The following CLTCL1 variants were observed in gnomAD, a reference collection of about 807,000 sequenced individuals.
CLTCL1 encodes the protein clathrin heavy chain like 1.
A neutral mutation model predicts 190.0 loss-of-function variants in CLTCL1; 159 were observed. The ratio of observed to expected loss-of-function variants is 0.84; its 90% CI spans 0.74 to 0.95. CLTCL1 has a LOEUF of 0.95. CLTCL1 is among the 40% of genes least tolerant of loss of function. CLTCL1 has a pLI of 0.00. For synonymous variants in CLTCL1, 752 were observed against 769.6 expected, an observed-to-expected ratio of 0.98 and a Z score of 0.38; for missense variants, 1,878 against 2,033.4, an observed-to-expected ratio of 0.92 and a Z score of 1.47.
intron 4 of CLTCL1, among the ~76,000 whole-genome samples, chr22:19,239,726 G>A (rs1056327829): frequency 6.6e-6 from 1 of 152,146 alleles, no homozygotes; most frequent in Non-Finnish European, 1.5e-5. Flanking sequence ...TCTGCTCTCT[G>A]CCTTTCTGGG....
chr22:19,276,701 G>A (rs746611745), intron 1 of CLTCL1, among the ~76,000 whole-genome samples: 3 of 152,018 alleles, frequency 2.0e-5, no homozygotes, highest in Non-Finnish European at 2.9e-5. Flanking sequence ...CCGGAGTCTC[G>A]CTCTGTTGCC....
Position 19,208,008 on chromosome 22 carries a change from CA to C in CLTCL1, c.3600+145del, listed in dbSNP as rs782577736. 38 of 899,484 alleles carry C rather than the reference CA, an allele frequency of 4.2e-5. No individual in the cohort carries two copies. In the African/African-American group the frequency reaches 4.3e-4, roughly 10 times the overall value. The allele number at this position is 899,484 out of a possible 1,614,324, so 55.7% of individuals were successfully genotyped here. On this transcript the variant is annotated intron_variant, in intron 22 of 32. Coordinates refer to ENST00000427926, the MANE Select transcript of CLTCL1 (RefSeq NM_007098.4). ...AAATGTAATGCACTTGAATCATCCC[CA>C]AACCACCCCCGACCTGTCTGTGGAA...
intron 6 of CLTCL1, among the ~76,000 whole-genome samples, chr22:19,234,997 TA>T (rs1187625993): frequency 6.6e-6 from 1 of 152,210 alleles, no homozygotes; most frequent in Non-Finnish European, 1.5e-5. Flanking sequence ...TTTTTCTTCT[TA>T]AACTTTTTAT....
At chr22:19,251,033 A>G (rs1407383649) in intron 3 of CLTCL1, among the ~76,000 whole-genome samples, 1 of 152,126 alleles carries the variant, frequency 6.6e-6, no homozygotes, top group Non-Finnish European at 1.5e-5. Flanking sequence ...ATTCCAATAG[A>G]GATTATGTTG....
At chr22:19,268,148 G>A (rs2087182747) in intron 2 of CLTCL1, among the ~76,000 whole-genome samples, 1 of 152,188 alleles carries the variant, frequency 6.6e-6, no homozygotes, top group Non-Finnish European at 1.5e-5. Flanking sequence ...TCACAAAAGA[G>A]CTTGATGGAG....
At position 19,279,122 on chromosome 22, in the gene CLTCL1, G is replaced by C. The variant is rs533226296; in HGVS notation, c.43-3292C>G. On this transcript the variant is annotated intron_variant, in intron 1 of 32. Coordinates refer to ENST00000427926, the MANE Select transcript of CLTCL1 (RefSeq NM_007098.4). ...TAATATAAATGCCCTAGAAGTTACA[G>C]TATTTATGTATTTATGTATTTATTT... 9.3e-5 allele frequency among the ~76,000 whole-genome samples: 14 copies of C among 150,674 alleles called. No homozygotes were observed. In the South Asian group the frequency reaches 2.7e-3, roughly 29 times the overall value.
chr22:19,190,596 C>CAAAAGAAAAAAAA (rs2084460677), intron 27 of CLTCL1, among the ~76,000 whole-genome samples: 1 of 72,816 alleles, frequency 1.4e-5, no homozygotes, highest in Non-Finnish European at 2.5e-5. Flanking sequence ...AAGACTGTCT[C>CAAAAGAAAAAAAA]AAAAAAAAAA....
intron 2 of CLTCL1, among the ~76,000 whole-genome samples, chr22:19,271,643 A>C (rs1307402811): frequency 6.6e-6 from 1 of 152,160 alleles, no homozygotes; most frequent in Non-Finnish European, 1.5e-5. Context: ...ATCCTGTCTC[A>C]GGTAGTTCTT....
chr22:19,185,795 A>G (rs2084297835), intron 29 of CLTCL1, among the ~76,000 whole-genome samples: 1 of 152,214 alleles, frequency 6.6e-6, no homozygotes, highest in South Asian at 2.1e-4. Context: ...AGCCCCTGAC[A>G]GGGACCACAT....
intron 3 of CLTCL1, among the ~76,000 whole-genome samples, chr22:19,253,708 T>C (rs2086665877): frequency 6.6e-6 from 1 of 151,658 alleles, no homozygotes; most frequent in Admixed American, 6.6e-5. Flanking sequence ...TAACCAACTT[T>C]TTTTTTTTTT....
chr22:19,201,448 G>T lies in CLTCL1; in HGVS notation c.3646C>A (p.Leu1216Met). 1.2e-6 allele frequency: 2 copies of T among 1,613,882 alleles called. No homozygotes were observed. The highest frequency in any genetic ancestry group is 1.7e-6 in the Non-Finnish European group (2 of 1,179,794). Residue 1216 changes from leucine (L) to methionine (M), a missense_variant, in exon 23 of 33, where the codon CTG becomes ATG. Physicochemically the swap from Leu to Met is conservative, Grantham distance 15 (BLOSUM62 2). Transcript: ENST00000427926. ...YEEGMYEAAK[L>M]LYSNVSNFAR... ...AAGTTAGAAACATTGCTATAGAGCA[G>T]CTTGGCAGCCTCGTACATTCCCTCC...
At position 19,209,011 on chromosome 22, in the gene CLTCL1, T is replaced by C. The variant is rs368180526; in HGVS notation, c.3353A>G (p.Lys1118Arg). Reference protein sequence around the residue: ...WSQLAQAQLQKDLVKEAINSY... With the variant: ...WSQLAQAQLQRDLVKEAINSY... ...GTTGATGGCTTCCTTCACCAAATCTTTCTGGAGCTGGGCTTGGGCCAGCTG... is the reference window on the plus strand; with the variant it reads ...GTTGATGGCTTCCTTCACCAAATCTCTCTGGAGCTGGGCTTGGGCCAGCTG... Residue 1118 changes from lysine (K) to arginine (R), a missense_variant, in exon 21 of 33, where the codon AAA becomes AGA. Lys to Arg is a conservative substitution (Grantham distance 26). Transcript: ENST00000427926. 1.9e-5 allele frequency: 30 copies of C among 1,611,646 alleles called. No homozygotes were observed. The African/African-American group carries it at 3.9e-4, about 21-fold the overall frequency.
At chr22:19,260,729 A>G (rs1237841267) in intron 2 of CLTCL1, among the ~76,000 whole-genome samples, 1 of 149,600 alleles carries the variant, frequency 6.7e-6, no homozygotes, top group Non-Finnish European at 1.5e-5. Context: ...CGGTGAGCCA[A>G]TATCGTGCCA....
intron 22 of CLTCL1, among the ~76,000 whole-genome samples, chr22:19,202,846 G>A (rs1555940703): frequency 6.6e-6 from 1 of 152,172 alleles, no homozygotes; most frequent in East Asian, 1.9e-4. Context: ...ACAGCACAGT[G>A]TCCGTGGAAT....
chr22:19,199,028 C>A (rs782449956), intron 24 of CLTCL1, among the ~76,000 whole-genome samples: 1 of 152,192 alleles, frequency 6.6e-6, no homozygotes, highest in Admixed American at 6.5e-5. Context: ...TCTGGACACT[C>A]TGGCGCTGGT....
At chr22:19,207,960 A>C (rs782241976) in intron 22 of CLTCL1, 194 bp downstream of exon 22, 8 of 707,058 alleles carry the variant, frequency 1.1e-5, no homozygotes, top group Non-Finnish European at 2.0e-5. Flanking sequence ...CAATATGATA[A>C]CAGTAGAAAT....
At chr22:19,188,963 G>A (rs1461120694) in intron 27 of CLTCL1, among the ~76,000 whole-genome samples, 2 of 151,694 alleles carry the variant, frequency 1.3e-5, no homozygotes, top group Non-Finnish European at 2.9e-5. Flanking sequence ...GAGTGCAGTG[G>A]CGCGATCTTG....
At chr22:19,188,185 T>C in intron 27 of CLTCL1, 94 bp from the exon 28 acceptor site, 1 of 1,109,022 alleles carries the variant, frequency 9.0e-7, no homozygotes, top group Non-Finnish European at 1.4e-6. Context: ...GCCATCCACT[T>C]GAATGGTCCA....
At position 19,221,539 on chromosome 22, in the gene CLTCL1, T is replaced by A; in HGVS notation, c.2634A>T (p.Ala878=). 6.2e-7 allele frequency: 1 copy of A among 1,606,158 alleles called. No homozygotes were observed. The highest frequency in any genetic ancestry group is 8.5e-7 in the Non-Finnish European group (1 of 1,176,264). Residue 878 remains alanine, a synonymous_variant, in exon 17 of 33, where the codon GCA becomes GCT. Transcript: ENST00000427926. The part of the protein sequence containing the change: ...EGCEEPATHN[A]LAKIYIDSNN... ...TGCTGTCGATGTAGATTTTAGCCAG[T>A]GCATTGTGAGTGGCAGGCTCCTCAC... is the stretch of plus-strand genomic sequence containing the variant.
Sources: gnomAD v4.1 joint callset for allele counts (sites outside exome capture counted in the v4.1 genomes callset) on GRCh38, gnomAD v4.1.1 for gene constraint, MANE v1.5 for transcripts, NCBI Gene and HGNC (gene_info 2026-07-23, HGNC 2026-07-21) for gene names.